The following SLC17A1 variants were observed in gnomAD, a reference collection of about 807,000 sequenced individuals.
SLC17A1 encodes the protein sodium-dependent phosphate transport protein 1.
A neutral mutation model predicts 53.5 loss-of-function variants in SLC17A1; 51 were observed. The ratio of observed to expected loss-of-function variants is 0.95; its 90% CI spans 0.76 to 1.20. The LOEUF is 1.20. Ranked by LOEUF, SLC17A1 falls within the 50% of genes most tolerant of loss-of-function variation. SLC17A1 has a pLI of 0.00. For synonymous variants in SLC17A1, 179 were observed against 198.8 expected, an observed-to-expected ratio of 0.90 and a Z score of 0.84; for missense variants, 538 against 568.2, an observed-to-expected ratio of 0.95 and a Z score of 0.54.
At chr6:25,813,525 A>G (rs565088360) in intron 6 of SLC17A1, among the ~76,000 whole-genome samples, 29 of 152,238 alleles carry the variant, frequency 1.9e-4, no homozygotes, top group African/African-American at 6.3e-4. Flanking sequence ...AGAGGATGGC[A>G]CAGCTGAGCC....
chr6:25,744,056 G>A, the SLC17A1 span, among the ~76,000 whole-genome samples: 41,308 of 152,064 alleles, frequency 0.27, 6,829 homozygotes, highest in East Asian at 0.7. Context: ...GAAGGCACTA[G>A]GGTGTGGCCA....
chr6:25,761,329 G>A, the SLC17A1 span, among the ~76,000 whole-genome samples: 2 of 152,012 alleles, frequency 1.3e-5, no homozygotes, highest in African/African-American at 2.4e-5. Context: ...CCTTATAATC[G>A]CCTCCCTGGC....
the SLC17A1 span, among the ~76,000 whole-genome samples, chr6:25,740,307 C>T: frequency 1.3e-5 from 2 of 152,156 alleles, no homozygotes; most frequent in Non-Finnish European, 2.9e-5. Context: ...ATATGATCCA[C>T]ATTCTCCAGA....
intron 6 of SLC17A1, among the ~76,000 whole-genome samples, chr6:25,816,094 A>T (rs1290589033): frequency 2.0e-5 from 3 of 152,158 alleles, no homozygotes; most frequent in Non-Finnish European, 4.4e-5. Context: ...CGGTTACAAT[A>T]TAATATTCAA....
the SLC17A1 span, chr6:25,732,610 C>A: frequency 3.8e-6 from 4 of 1,052,002 alleles, no homozygotes; most frequent in Admixed American, 1.8e-5. Context: ...GAGTACCTGG[C>A]CTCCGACACC....
chr6:25,813,947 G>A (rs1036595998), intron 6 of SLC17A1, among the ~76,000 whole-genome samples: 5 of 152,212 alleles, frequency 3.3e-5, no homozygotes, highest in Middle Eastern at 3.2e-3. Flanking sequence ...GTATTCAATG[G>A]TGTATATGTA....
chr6:25,814,989 A>AC lies in SLC17A1; in HGVS notation c.617-1777_617-1776insG, dbSNP rs58743602. ...CGACAAAAGCAAGACTCTGTCACACAAACACACACACACACACACACACAC... is the reference window on the plus strand; with the variant it reads ...CGACAAAAGCAAGACTCTGTCACACACAACACACACACACACACACACACAC... On this transcript the variant is annotated intron_variant, in intron 6 of 12. Coordinates refer to ENST00000244527, the MANE Select transcript of SLC17A1 (RefSeq NM_005074.5). Among the ~76,000 whole-genome samples, 69 of 23,276 alleles carry AC rather than the reference A, an allele frequency of 3.0e-3. 1 individual carries two copies. The highest frequency in any genetic ancestry group is 0.02 in the African/African-American group (60 of 3,020). 15.3% of individuals were successfully genotyped at this position (23,276 alleles called of 152,430 possible).
the SLC17A1 span, among the ~76,000 whole-genome samples, chr6:25,756,777 G>C: frequency 1.3e-5 from 2 of 152,184 alleles, no homozygotes; most frequent in African/African-American, 2.4e-5. Flanking sequence ...TGCATTCATT[G>C]ATTCAATAAA....
chr6:25,726,470 A>C, the SLC17A1 span: 2 of 1,613,800 alleles, frequency 1.2e-6, no homozygotes, highest in Non-Finnish European at 1.7e-6. Flanking sequence ...CCCGCTCTAG[A>C]AGAGCGAGAC....
chr6:25,759,784 CT>C, the SLC17A1 span, among the ~76,000 whole-genome samples: 8,767 of 152,282 alleles, frequency 0.058, 713 homozygotes, highest in African/African-American at 0.18. Flanking sequence ...AGGTGAATCT[CT>C]TGAAGACTAT....
chr6:25,819,540 C>T lies in SLC17A1; in HGVS notation c.500G>A (p.Arg167Gln), dbSNP rs146175657. The T allele has an allele frequency of 2.4e-4, 392 of 1,613,968 alleles. 1 individual carries two copies. In the Middle Eastern group the frequency reaches 2.5e-3, roughly 10 times the overall value. ...TGTACTCATAGAAGTAAGTCGGCCT[C>T]GTTCCAGGGGAGGAGCCCATTTGAC... ...IYVKWAPPLE[R>Q]GRLTSMSTSG... Residue 167 changes from arginine (R) to glutamine (Q), a missense_variant, in exon 5 of 13, where the codon CGA (arginine) becomes CAA (glutamine). By Grantham distance (43) the Arg-to-Gln change is conservative. Transcript: ENST00000244527.
At chr6:25,825,377 T>C (rs1229272304) in intron 3 of SLC17A1, among the ~76,000 whole-genome samples, 1 of 151,780 alleles carries the variant, frequency 6.6e-6, no homozygotes, top group Non-Finnish European at 1.5e-5. Context: ...CTTGAAATTT[T>C]ACAGTCTTTC....
downstream of SLC17A1, among the ~76,000 whole-genome samples, chr6:25,781,477 G>A (rs1763267602): frequency 6.6e-6 from 1 of 150,424 alleles, no homozygotes; most frequent in East Asian, 1.9e-4. Context: ...ATGAAAGGGT[G>A]GTGTCTTTGT....
At chr6:25,777,563 A>T in the SLC17A1 span, 2 of 103,084 alleles carry the variant, frequency 1.9e-5, no homozygotes. Context: ...AGCAGAAGCC[A>T]AAACAACAAC....
At chr6:25,816,605 A>T (rs1357597380) in intron 6 of SLC17A1, among the ~76,000 whole-genome samples, 3 of 152,266 alleles carry the variant, frequency 2.0e-5, no homozygotes, top group Admixed American at 2.0e-4. Flanking sequence ...GACAGAAGCC[A>T]TAAGTGATCT....
At chr6:25,804,888 T>C (rs1763901765) in intron 10 of SLC17A1, among the ~76,000 whole-genome samples, 1 of 152,044 alleles carries the variant, frequency 6.6e-6, no homozygotes, top group South Asian at 2.1e-4. Context: ...TATTTACACA[T>C]TTACTACTAG....
At chr6:25,806,954 T>C (rs1763977092) in intron 10 of SLC17A1, among the ~76,000 whole-genome samples, 1 of 152,020 alleles carries the variant, frequency 6.6e-6, no homozygotes, top group Non-Finnish European at 1.5e-5. Flanking sequence ...ATCAGTGAAA[T>C]GCAAATTAAA....
Position 25,826,576 on chromosome 6 carries a change from A to G in SLC17A1, c.92T>C (p.Val31Ala). The G allele has an allele frequency of 6.2e-7, 1 of 1,609,236 alleles. No homozygotes were observed. The highest frequency in any genetic ancestry group is 8.5e-7 in the Non-Finnish European group (1 of 1,177,166). ...GCACGCACGCTGTGCTGTTATTATAACATTACAACAGTGCACAAGGAAAGA... is the reference window on the plus strand; with the variant it reads ...GCACGCACGCTGTGCTGTTATTATAGCATTACAACAGTGCACAAGGAAAGA... ...GLSFLVHCCN[V>A]IITAQRACLN... Residue 31 changes from valine to alanine, a missense_variant, in exon 3 of 13, where the codon GTT becomes GCT. By Grantham distance (64) the Val-to-Ala change is moderately conservative. Transcript: ENST00000244527.
chr6:25,733,781 A>ACT, the SLC17A1 span, among the ~76,000 whole-genome samples: 1 of 92,270 alleles, frequency 1.1e-5, no homozygotes, highest in African/African-American at 3.7e-5. Flanking sequence ...AAAGCCTAAT[A>ACT]CTGTGTGTGT....
Sources: gnomAD v4.1 joint callset for allele counts (sites outside exome capture counted in the v4.1 genomes callset) on GRCh38, gnomAD v4.1.1 for gene constraint, MANE v1.5 for transcripts, NCBI Gene and HGNC (gene_info 2026-07-23, HGNC 2026-07-21) for gene names.